The following NAALADL2 variants were observed in gnomAD, a reference collection of about 807,000 sequenced individuals.
NAALADL2 encodes the protein inactive N-acetylated-alpha-linked acidic dipeptidase-like protein 2.
A neutral mutation model predicts 87.2 loss-of-function variants in NAALADL2; 76 were observed. The observed-to-expected ratio is 0.87, with a 90% CI of 0.72 to 1.05. The LOEUF (loss-of-function observed/expected upper bound fraction) is 1.05. NAALADL2 is among the 50% of genes least tolerant of loss of function. The pLI is 0.00. For missense variants in NAALADL2, 1,089 were observed against 945.8 expected (o/e 1.15, Z -1.99); for synonymous variants, 354 against 331.0 (o/e 1.07, Z -0.75).
At chr3:174,515,861 G>T (rs1030185295) in intron 1 of NAALADL2, among the ~76,000 whole-genome samples, 12 of 151,982 alleles carry the variant, frequency 7.9e-5, no homozygotes, top group Non-Finnish European at 7.4e-5. Context: ...CCCTTTAGAT[G>T]AATGATAATA....
intron 2 of NAALADL2, among the ~76,000 whole-genome samples, chr3:174,597,497 G>A (rs775416503): frequency 4.6e-5 from 7 of 152,162 alleles, no homozygotes; most frequent in Admixed American, 6.5e-5. Flanking sequence ...CTTGCAAGCA[G>A]GACTTTTGTA....
At chr3:175,223,615 G>A (rs1262254562) in intron 2 of NAALADL2, among the ~76,000 whole-genome samples, 2 of 151,984 alleles carry the variant, frequency 1.3e-5, no homozygotes, top group African/African-American at 4.8e-5. Flanking sequence ...ACTTCTTTGA[G>A]ATAAAGATAT....
intron 12 of NAALADL2, among the ~76,000 whole-genome samples, chr3:175,747,630 C>A (rs1034382536): frequency 6.6e-6 from 1 of 151,678 alleles, no homozygotes; most frequent in Non-Finnish European, 1.5e-5. Context: ...TAATCAATTT[C>A]ATTTAAGCCT....
intron 9 of NAALADL2, among the ~76,000 whole-genome samples, chr3:175,528,848 T>C (rs564551220): frequency 1.3e-5 from 2 of 152,326 alleles, no homozygotes; most frequent in East Asian, 1.9e-4. Context: ...TGCACAAACA[T>C]GCTTTTAACA....
intron 9 of NAALADL2, among the ~76,000 whole-genome samples, chr3:175,489,313 T>C (rs1332211768): frequency 1.3e-5 from 2 of 152,322 alleles, no homozygotes; most frequent in East Asian, 3.9e-4. Flanking sequence ...TATTATTTTA[T>C]ATTTGGTTGC....
At chr3:175,613,483 AACAT>A in intron 10 of NAALADL2, among the ~76,000 whole-genome samples, 1 of 152,238 alleles carries the variant, frequency 6.6e-6, no homozygotes. Context: ...ATATGAAATG[AACAT>A]ACATTTTATT....
intron 1 of NAALADL2, among the ~76,000 whole-genome samples, chr3:174,880,326 T>TAAAAC (rs780842314): frequency 6.6e-6 from 1 of 152,008 alleles, no homozygotes; most frequent in Non-Finnish European, 1.5e-5. Flanking sequence ...TTGCTCAGCC[T>TAAAAC]AAAACAAAAC....
intron 1 of NAALADL2, among the ~76,000 whole-genome samples, chr3:175,061,707 T>A (rs1326563256): frequency 1.4e-5 from 2 of 147,522 alleles, no homozygotes; most frequent in Non-Finnish European, 3.0e-5. Context: ...AGTTATTTAG[T>A]TTCACCTGCT....
chr3:174,861,535 A>G (rs1460192326), intron 1 of NAALADL2, among the ~76,000 whole-genome samples: 1 of 152,224 alleles, frequency 6.6e-6, no homozygotes, highest in East Asian at 1.9e-4. Flanking sequence ...TCCACTTACA[A>G]ACGGATGTTC....
chr3:174,520,863 C>G (rs1720233833), intron 1 of NAALADL2, among the ~76,000 whole-genome samples: 1 of 151,932 alleles, frequency 6.6e-6, no homozygotes. Context: ...AAAAACAACC[C>G]CATTGCAAAG....
chr3:174,622,848 G>A (rs1190604992), intron 2 of NAALADL2, among the ~76,000 whole-genome samples: 10 of 152,050 alleles, frequency 6.6e-5, no homozygotes. Flanking sequence ...AGACCATCCT[G>A]GCTAACTTGG....
intron 1 of NAALADL2, among the ~76,000 whole-genome samples, chr3:175,077,842 T>C (rs1716910894): frequency 6.6e-6 from 1 of 152,062 alleles, no homozygotes; most frequent in African/African-American, 2.4e-5. Context: ...AGAAGGAATC[T>C]TTACCAATGG....
chr3:174,765,810 A>G (rs1357423834), intron 3 of NAALADL2, among the ~76,000 whole-genome samples: 3 of 152,210 alleles, frequency 2.0e-5, no homozygotes, highest in Non-Finnish European at 4.4e-5. Flanking sequence ...ACACCATACA[A>G]CAGCTGCCTG....
At chr3:174,958,564 C>T (rs999795507) in intron 1 of NAALADL2, among the ~76,000 whole-genome samples, 4 of 152,142 alleles carry the variant, frequency 2.6e-5, no homozygotes, top group Non-Finnish European at 4.4e-5. Flanking sequence ...ACTGATTACA[C>T]GTGCAGTTCA....
intron 10 of NAALADL2, among the ~76,000 whole-genome samples, chr3:175,589,303 G>A (rs1393710322): frequency 3.1e-4 from 5 of 16,300 alleles, no homozygotes; most frequent in Non-Finnish European, 6.5e-4. Context: ...TGAAACATTG[G>A]TACTGGTAAA....
At chr3:175,240,446 T>G (rs950010991) in intron 3 of NAALADL2, among the ~76,000 whole-genome samples, 18 of 152,220 alleles carry the variant, frequency 1.2e-4, no homozygotes, top group African/African-American at 4.3e-4. Context: ...TTATTTTGAA[T>G]ATTTTCAAAC....
chr3:175,761,657 C>T (rs112532164), intron 13 of NAALADL2, among the ~76,000 whole-genome samples: 14 of 152,192 alleles, frequency 9.2e-5, no homozygotes, highest in African/African-American at 2.2e-4. Context: ...CATCTTCATC[C>T]GCATTTGTTG....
rs530112779 is a variant in NAALADL2, at chr3:174,871,609, A to C, written c.43+12159A>C. ...AACATACATCTGAGCTAAGAAATATACTAACTTGGCCGGGCACAGTGGCTC... is the reference window on the plus strand; with the variant it reads ...AACATACATCTGAGCTAAGAAATATCCTAACTTGGCCGGGCACAGTGGCTC... On this transcript the variant is annotated intron_variant, in intron 1 of 13. Transcript: ENST00000454872. Among the ~76,000 whole-genome samples the C allele has an allele frequency of 5.9e-5, 9 of 152,324 alleles. No homozygotes were observed. In the South Asian group the frequency reaches 1.9e-3, roughly 32 times the overall value.
chr3:174,864,142 C>CT (rs1439812915), intron 1 of NAALADL2: 1 of 447,390 alleles, frequency 2.2e-6, no homozygotes, highest in African/African-American at 2.0e-5. Context: ...TGAAGATGGA[C>CT]TGGGTACATT....
Sources: allele counts gnomAD v4.1 joint callset (sites outside exome capture counted in the v4.1 genomes callset), GRCh38; gene constraint gnomAD v4.1.1; transcripts MANE v1.5; gene names NCBI Gene and HGNC (gene_info 2026-07-23, HGNC 2026-07-21).